SLC71A1: variants seen among roughly 807,000 people sequenced by gnomAD.
SLC71A1 encodes the protein solute carrier family 71 member 1.
chr1:100,042,473 G>T, the SLC71A1 span, among the ~76,000 whole-genome samples: 1 of 152,082 alleles, frequency 6.6e-6, no homozygotes, highest in African/African-American at 2.4e-5. Context: ...CTCTTCACCT[G>T]CAAGGATGGC....
At chr1:100,049,486 A>T in the SLC71A1 span, among the ~76,000 whole-genome samples, 2 of 152,102 alleles carry the variant, frequency 1.3e-5, no homozygotes, top group Non-Finnish European at 2.9e-5. Context: ...TTGTCTTTCA[A>T]TACACCCAAC....
chr1:100,063,511 A>T, the SLC71A1 span, among the ~76,000 whole-genome samples: 1 of 151,852 alleles, frequency 6.6e-6, no homozygotes, highest in Non-Finnish European at 1.5e-5. Flanking sequence ...TAAAAAAAAA[A>T]GTTGGAGGGG....
At chr1:100,071,763 C>G in the SLC71A1 span, among the ~76,000 whole-genome samples, 1 of 152,104 alleles carries the variant, frequency 6.6e-6, no homozygotes, top group Admixed American at 6.5e-5. Context: ...CACTGCAGAC[C>G]CAGTGATGAG....
At chr1:100,080,785 G>A in the SLC71A1 span, 5 of 804,490 alleles carry the variant, frequency 6.2e-6, no homozygotes, top group South Asian at 2.1e-5. Flanking sequence ...TTAAAAACCA[G>A]AGTTTAAGGG....
the SLC71A1 span, chr1:100,068,612 A>G: frequency 7.8e-7 from 1 of 1,274,880 alleles, no homozygotes; most frequent in Non-Finnish European, 1.1e-6. Flanking sequence ...ACTAAGGTGG[A>G]CTTTTCTTTC....
chr1:100,057,440 T>A, the SLC71A1 span, among the ~76,000 whole-genome samples: 1 of 151,502 alleles, frequency 6.6e-6, no homozygotes, highest in Non-Finnish European at 1.5e-5. Flanking sequence ...CTGCAACCTC[T>A]GCCCTCCGGG....
chr1:100,045,282 G>A, the SLC71A1 span, among the ~76,000 whole-genome samples: 1 of 152,074 alleles, frequency 6.6e-6, no homozygotes, highest in Non-Finnish European at 1.5e-5. Context: ...TTGAGTTCTT[G>A]ATTTGATTCT....
the SLC71A1 span, among the ~76,000 whole-genome samples, chr1:100,042,538 G>A: frequency 1.3e-5 from 2 of 152,146 alleles, no homozygotes; most frequent in East Asian, 3.9e-4. Flanking sequence ...GACCCAGAGA[G>A]CTGTTAAATA....
the SLC71A1 span, among the ~76,000 whole-genome samples, chr1:100,040,502 G>A: frequency 6.6e-6 from 1 of 152,122 alleles, no homozygotes; most frequent in Non-Finnish European, 1.5e-5. Flanking sequence ...CTGTTGCCCA[G>A]GCTGGAGGAG....
the SLC71A1 span, among the ~76,000 whole-genome samples, chr1:100,046,769 A>G: frequency 4.6e-5 from 7 of 152,144 alleles, no homozygotes; most frequent in African/African-American, 7.2e-5. Flanking sequence ...CGTGTCATCA[A>G]TGTTTTGTAG....
chr1:100,081,918 ATAAGT>A, the SLC71A1 span: 2 of 1,022,880 alleles, frequency 2.0e-6, no homozygotes, highest in Admixed American at 2.1e-5. Flanking sequence ...CTTGTAATTC[ATAAGT>A]TAATACTAAA....
the SLC71A1 span, chr1:100,061,714 C>CTA: frequency 1.5e-6 from 1 of 668,560 alleles, no homozygotes. Context: ...AATCCATGAA[C>CTA]TATCCTAGTA....
the SLC71A1 span, among the ~76,000 whole-genome samples, chr1:100,049,446 C>A: frequency 1.3e-5 from 2 of 151,766 alleles, no homozygotes; most frequent in African/African-American, 2.4e-5. Flanking sequence ...GACTCCTTAG[C>A]ATGGAAGCTG....
chr1:100,080,293 C>T, the SLC71A1 span: 1 of 473,588 alleles, frequency 2.1e-6, no homozygotes, highest in Admixed American at 3.4e-5. Flanking sequence ...CATCAGAGCT[C>T]ATGTTTGCAT....
chr1:100,060,774 G>T, the SLC71A1 span, among the ~76,000 whole-genome samples: 2 of 151,856 alleles, frequency 1.3e-5, no homozygotes, highest in Non-Finnish European at 2.9e-5. Context: ...CACTCAGGAG[G>T]CAAGGGAAGG....
the SLC71A1 span, among the ~76,000 whole-genome samples, chr1:100,042,463 C>T: frequency 6.6e-6 from 1 of 152,124 alleles, no homozygotes; most frequent in Non-Finnish European, 1.5e-5. Context: ...ACCCTTTGCA[C>T]TCTTCACCTG....
the SLC71A1 span, chr1:100,069,665 A>G: frequency 2.5e-6 from 4 of 1,610,952 alleles, no homozygotes; most frequent in Admixed American, 1.7e-5. Flanking sequence ...AGTCCTTGGC[A>G]TTCTTTCCAT....
chr1:100,074,718 A>C, the SLC71A1 span, among the ~76,000 whole-genome samples: 1 of 151,944 alleles, frequency 6.6e-6, no homozygotes, highest in South Asian at 2.1e-4. Flanking sequence ...CTTTACTAAA[A>C]ATACAAAAAT....
the SLC71A1 span, chr1:100,050,129 CAGTATTTTACT>C: frequency 3.6e-6 from 2 of 554,818 alleles, no homozygotes; most frequent in Non-Finnish European, 6.4e-6. Flanking sequence ...CAGTATTCAC[CAGTATTTTACT>C]GGTTGTCTTT....
Sources: allele counts gnomAD v4.1 joint callset (sites outside exome capture counted in the v4.1 genomes callset), GRCh38; gene constraint gnomAD v4.1.1; transcripts MANE v1.5; gene names NCBI Gene and HGNC (gene_info 2026-07-23, HGNC 2026-07-21).